The following GAREM2 variants were observed in gnomAD, a reference collection of about 807,000 sequenced individuals.
GAREM2 encodes GRB2 associated regulator of MAPK1 subtype 2.
GAREM2 carries 30 observed loss-of-function variants against 55.6 expected under a neutral mutation model. The ratio of observed to expected loss-of-function variants is 0.54; its 90% CI spans 0.40 to 0.73. GAREM2 has a LOEUF of 0.73. Ranked by LOEUF, GAREM2 falls within the 30% of genes least tolerant of loss-of-function variation. The pLI, the probability that GAREM2 is intolerant of heterozygous loss-of-function variation, is 0.00. For missense variants in GAREM2, 1,075 were observed against 1,257.7 expected, an observed-to-expected ratio of 0.85 and a Z score of 2.20; for synonymous variants, 550 against 569.1, an observed-to-expected ratio of 0.97 and a Z score of 0.48.
In GAREM2 at chr2:26,179,982, A is replaced by T. The variant is rs1220625107; in HGVS notation, c.254-2985A>T. 6.6e-6 allele frequency among the ~76,000 whole-genome samples: 1 copy of T among 151,824 alleles called. No individual in the cohort carries two copies. The highest frequency in any genetic ancestry group is 1.5e-5 in the Non-Finnish European group (1 of 67,934). On this transcript the variant is annotated intron_variant, in intron 2 of 5. Transcript: ENST00000401533. This position sits in a 1 kb window ranked among gnomAD's most constrained non-coding sequence, Gnocchi z 4.7. ...GAGGCGGGAGTGAGGGGAGGAGGCTACTCAGTGCCTGCAGTTCCTGCTTCC... is the reference window on the plus strand; with the variant it reads ...GAGGCGGGAGTGAGGGGAGGAGGCTTCTCAGTGCCTGCAGTTCCTGCTTCC...
chr2:26,195,710 C>T, the GAREM2 span, among the ~76,000 whole-genome samples: 1 of 152,192 alleles, frequency 6.6e-6, no homozygotes, highest in African/African-American at 2.4e-5. Flanking sequence ...CACTCCTCAA[C>T]AGTCAGATGC....
intron 5 of GAREM2, 69 bp from the exon 6 acceptor site, chr2:26,187,162 T>A: frequency 7.1e-7 from 1 of 1,402,730 alleles, no homozygotes; most frequent in South Asian, 1.7e-5. Flanking sequence ...TTGCAATGCA[T>A]GTGTGACCCT....
the GAREM2 span, chr2:26,204,016 A>G: frequency 2.5e-6 from 4 of 1,600,030 alleles, no homozygotes; most frequent in Non-Finnish European, 2.6e-6. Context: ...ACTAACCAAG[A>G]AACAAAGGAC....
In GAREM2 at chr2:26,187,986, C is replaced by T; in HGVS notation, c.2354C>T (p.Pro785Leu). ...CGCCTGGAAGGGCCTCCTGCCAGTCCCCGGGATGGAGCCACAGGCTTTGGA... is the reference window on the plus strand; with the variant it reads ...CGCCTGGAAGGGCCTCCTGCCAGTCTCCGGGATGGAGCCACAGGCTTTGGA... ...QGRLEGPPAS[P>L]RDGATGFGVR... Residue 785 changes from proline (P) to leucine (L), a missense_variant, in exon 6 of 6, where the codon CCC (proline) becomes CTC (leucine). Physicochemically the swap from Pro to Leu is moderately conservative, Grantham distance 98. This residue lies in a region of GAREM2 where 142 missense variants were observed against 172.3 expected (regional missense o/e 0.82). Coordinates refer to ENST00000401533, the MANE Select transcript of GAREM2 (RefSeq NM_001168241.2). The T allele has an allele frequency of 6.8e-7, 1 of 1,469,280 alleles. No individual in the cohort carries two copies. The highest frequency in any genetic ancestry group is 9.1e-7 in the Non-Finnish European group (1 of 1,104,560). 91.0% of individuals were successfully genotyped at this position (1,469,280 alleles called of 1,614,324 possible). A position where few individuals can be genotyped will look rare whatever the true frequency, so the allele number is the denominator to read the frequency against.
At chr2:26,181,325 CTGTGTCTG>C (rs952057965) in intron 2 of GAREM2, 1 of 162,500 alleles carries the variant, frequency 6.2e-6, no homozygotes, top group African/African-American at 2.4e-5. Flanking sequence ...TTTTGTGTCT[CTGTGTCTG>C]TGTTTACAGT....
At chr2:26,178,128 C>G (rs768216175) in intron 2 of GAREM2, among the ~76,000 whole-genome samples, 50 of 152,270 alleles carry the variant, frequency 3.3e-4, no homozygotes, top group Non-Finnish European at 5.4e-4. Context: ...ACTCCACCCC[C>G]CAAACCCTTA....
At chr2:26,201,433 C>A in the GAREM2 span, 1 of 712,756 alleles carries the variant, frequency 1.4e-6, no homozygotes, top group East Asian at 2.6e-5. Context: ...GGTAGTTATT[C>A]TATTACTCCC....
In GAREM2 at chr2:26,185,094, G is replaced by C; in HGVS notation, c.1246G>C (p.Ala416Pro). 7.0e-7 allele frequency: 1 copy of C among 1,429,032 alleles called. No homozygotes were observed. The highest frequency in any genetic ancestry group is 3.1e-5 in the East Asian group (1 of 32,664). The allele number at this position is 1,429,032 out of a possible 1,614,324, so 88.5% of individuals were successfully genotyped here. A position where few individuals can be genotyped will look rare whatever the true frequency, so the allele number is the denominator to read the frequency against. ...DQEYVSPDWA[A>P]APEPAAPPAE... ...GGAGTACGTGAGCCCCGACTGGGCA[G>C]CCGCGCCCGAGCCCGCCGCGCCGCC... The change falls in exon 4 of 6, where the codon GCC becomes CCC. Residue 416 changes from alanine to proline, a missense_variant. Ala to Pro is a conservative substitution (Grantham distance 27, BLOSUM62 -1). Coordinates refer to ENST00000401533, the MANE Select transcript of GAREM2 (RefSeq NM_001168241.2).
At chr2:26,194,604 G>A (rs369588406), downstream of GAREM2, 316 of 1,612,008 alleles carry the variant, frequency 2.0e-4, no homozygotes, top group Non-Finnish European at 2.6e-4. Context: ...CATCATGGGC[G>A]CAAGACACCT....
chr2:26,186,251 C>T lies in GAREM2; in HGVS notation c.1491C>T (p.Ser497=), dbSNP rs973213505. The T allele has an allele frequency of 1.2e-5, 18 of 1,548,516 alleles. No individual in the cohort carries two copies. Among genetic ancestry groups the T allele is most frequent in the Middle Eastern group, 3.3e-4 (2 of 5,998 alleles). Residue 497 remains serine (S), a synonymous_variant, in exon 5 of 6, where the codon AGC becomes AGT. Coordinates refer to ENST00000401533, the MANE Select transcript of GAREM2 (RefSeq NM_001168241.2). ...PPVPPRGGNG[S]GRLSSSPPVP... ...TGCCTCCCCGGGGTGGCAATGGCAGCGGCCGGCTCTCCAGCAGCCCCCCGG... is the reference window on the plus strand; with the variant it reads ...TGCCTCCCCGGGGTGGCAATGGCAGTGGCCGGCTCTCCAGCAGCCCCCCGG...
intron 1 of GAREM2, among the ~76,000 whole-genome samples, chr2:26,175,252 C>T (rs756744666): frequency 7.9e-5 from 12 of 152,186 alleles, no homozygotes; most frequent in Admixed American, 1.3e-4. Context: ...AGCTGCAGCC[C>T]GGACACAGCC....
chr2:26,176,219 A>G (rs1668860027), intron 1 of GAREM2, 125 bp from the exon 2 acceptor site: 3 of 903,834 alleles, frequency 3.3e-6, no homozygotes, highest in Non-Finnish European at 4.7e-6. Flanking sequence ...TGACCTGGAC[A>G]GGGATTGTGT....
chr2:26,187,510 G>A lies in GAREM2; in HGVS notation c.1878G>A (p.Pro626=), dbSNP rs372621978. The A allele has an allele frequency of 3.6e-5, 56 of 1,541,224 alleles. No homozygotes were observed. The Middle Eastern group carries it at 6.8e-4, about 19-fold the overall frequency. Reference sequence around the variant, plus strand: ...CACATCCCCAGAAGCGCTTTGCTCCGTTTGGAGCTCTCAACCCTTTTTCCG... The same window carrying A: ...CACATCCCCAGAAGCGCTTTGCTCCATTTGGAGCTCTCAACCCTTTTTCCG... ...KPSHPQKRFA[P]FGALNPFSGP... is the part of the protein sequence containing the mutation. The change falls in exon 6 of 6, where the codon CCG becomes CCA. Residue 626 remains proline, a synonymous_variant. Coordinates refer to ENST00000401533, the MANE Select transcript of GAREM2 (RefSeq NM_001168241.2).
In GAREM2 at chr2:26,188,531, T is replaced by G; in HGVS notation, c.*274T>G. On this transcript the variant is annotated 3_prime_UTR_variant, in exon 6 of 6. Transcript: ENST00000401533. Reference sequence around the variant, plus strand: ...GGGCCCAGTAAGGCATTTGCCGTGATTCCCACAACGGGGTCAAAAGCTGGC... The same window carrying G: ...GGGCCCAGTAAGGCATTTGCCGTGAGTCCCACAACGGGGTCAAAAGCTGGC... 2 of 340,252 alleles carry G rather than the reference T, an allele frequency of 5.9e-6. No individual in the cohort carries two copies. Among genetic ancestry groups the G allele is most frequent in the Non-Finnish European group, 5.3e-6 (1 of 188,960 alleles). 21.1% of individuals were successfully genotyped at this position (340,252 alleles called of 1,614,324 possible).
chr2:26,186,453 C>T, intron 5 of GAREM2, 95 bp downstream of exon 5: 2 of 1,217,320 alleles, frequency 1.6e-6, no homozygotes, highest in Non-Finnish European at 2.3e-6. Context: ...AAGAGGAAGT[C>T]TTGAGGCCTG....
the GAREM2 span, among the ~76,000 whole-genome samples, chr2:26,200,241 AG>A: frequency 1.3e-5 from 2 of 152,166 alleles, no homozygotes; most frequent in Non-Finnish European, 2.9e-5. Context: ...CATGTTGCCA[AG>A]TCAGAATCAT....
chr2:26,190,396 G>A (rs975594431), downstream of GAREM2, among the ~76,000 whole-genome samples: 9 of 152,272 alleles, frequency 5.9e-5, no homozygotes, highest in Admixed American at 5.2e-4. Context: ...GGGGTGGGGA[G>A]GGGCTGAAGC....
chr2:26,177,953 C>CCAG (rs1668916929), intron 2 of GAREM2, among the ~76,000 whole-genome samples: 1 of 152,162 alleles, frequency 6.6e-6, no homozygotes, highest in Non-Finnish European at 1.5e-5. Context: ...ACTGCTGTGC[C>CCAG]CAGCTGCTCC....
chr2:26,175,440 C>T (rs1668831150), intron 1 of GAREM2, among the ~76,000 whole-genome samples: 1 of 152,196 alleles, frequency 6.6e-6, no homozygotes. Flanking sequence ...CTCTCAACCC[C>T]TCCAACCCTC....
Sources: gnomAD v4.1 joint callset for allele counts (sites outside exome capture counted in the v4.1 genomes callset) on GRCh38, gnomAD v4.1.1 for gene constraint, gnomAD v4.1.1 regional missense constraint, Gnocchi (gnomAD v3.1) non-coding constraint, MANE v1.5 for transcripts, NCBI Gene and HGNC (gene_info 2026-07-23, HGNC 2026-07-21) for gene names.